The following P2RX5 variants were observed in gnomAD, a reference collection of about 807,000 sequenced individuals.
The protein encoded by P2RX5 is P2X purinoceptor 5.
Under a neutral mutation model 54.1 loss-of-function variants are expected in P2RX5, and 46 were observed. The observed-to-expected ratio is 0.85, with a 90% CI of 0.67 to 1.09. The LOEUF is 1.09. Among genes scored for constraint, P2RX5 ranks in the 50% least tolerant of loss-of-function variants. P2RX5 has a pLI of 0.00. For missense variants in P2RX5, 566 were observed against 549.8 expected (o/e 1.03, Z -0.29); for synonymous variants, 226 against 226.4 (o/e 1.00, Z 0.02).
At position 3,690,442 on chromosome 17, in the gene P2RX5, G is replaced by A. The variant is rs929569378; in HGVS notation, c.518C>T (p.Thr173Ile). The change falls in exon 5 of 12, where the codon ACA becomes ATA. Residue 173 changes from threonine to isoleucine, a missense_variant. By Grantham distance (89) the Thr-to-Ile change is moderately conservative (BLOSUM62 -1). Transcript: ENST00000225328. ...AGCCACTCACTCCGGCCTGGAGCTT[G>A]TCTCCAACGGGCACCAGGCAAAGAT... is the stretch of plus-strand genomic sequence containing the variant. The part of the protein sequence containing the change: ...CEIFAWCPLE[T>I]SSRPEEPFLK... 1.2e-6 allele frequency: 2 copies of A among 1,611,600 alleles called. No individual in the cohort carries two copies. The highest frequency in any genetic ancestry group is 1.3e-5 in the African/African-American group (1 of 74,996).
At chr17:3,699,893 GGAAGGAAGGAAGGAAGGAAGGAAGGA>G (rs1406392845), upstream of P2RX5, among the ~76,000 whole-genome samples, 2 of 27,946 alleles carry the variant, frequency 7.2e-5, no homozygotes, top group African/African-American at 1.6e-4. Flanking sequence ...AAGGAAGGAA[GGAAGGAAGGAAGGAAGGAAGGAAGGA>G]AAGAAAGAAA....
At chr17:3,722,104 G>A in the P2RX5 span, among the ~76,000 whole-genome samples, 19,484 of 151,882 alleles carry the variant, frequency 0.13, 4,152 homozygotes, top group African/African-American at 0.44. Context: ...GCTTGAACCC[G>A]GGAGGCGGAG....
intron 1 of P2RX5, 40 bp downstream of exon 1, chr17:3,695,829 G>GCCCCCCCCCCCCCCAGCCCCCCCCCC: frequency 6.3e-7 from 1 of 1,586,540 alleles, no homozygotes; most frequent in Non-Finnish European, 8.6e-7. Flanking sequence ...CACCCGCCCT[G>GCCCCCCCCCCCCCCAGCCCCCCCCCC]CCCCTCCCCC....
chr17:3,713,759 A>AT, the P2RX5 span, among the ~76,000 whole-genome samples: 3 of 151,768 alleles, frequency 2.0e-5, no homozygotes, highest in Non-Finnish European at 4.4e-5. Context: ...TCAAAAAAAA[A>AT]AAATAAAGTA....
At chr17:3,689,680 C>A in intron 6 of P2RX5, 50 bp from the exon 7 acceptor site, 2 of 1,612,582 alleles carry the variant, frequency 1.2e-6, no homozygotes. Flanking sequence ...CTTGATGTTT[C>A]CCGGCCTGGC....
rs777120844 is a variant in P2RX5 at position 3,690,628 on chromosome 17, C to G, written c.413G>C (p.Gly138Ala). ...ACCGTTTCCAGCTGTAACCGCTTCC[C>G]CAGCGTGGCAGTCGCTGTCCTTGGA... ...ACSKDSDCHA[G>A]EAVTAGNGVK... Residue 138 changes from glycine to alanine, a missense_variant, in exon 4 of 12, where the codon GGG becomes GCG. Transcript: ENST00000225328. 9 of 1,613,468 alleles carry G rather than the reference C, an allele frequency of 5.6e-6. No homozygotes were observed. Among genetic ancestry groups the G allele is most frequent in the Non-Finnish European group, 6.8e-6 (8 of 1,180,042 alleles).
intron 11 of P2RX5, chr17:3,675,508 C>A: frequency 8.1e-6 from 8 of 985,132 alleles, no homozygotes; most frequent in Non-Finnish European, 9.6e-6. Context: ...CAAGGCTTTG[C>A]GTCAGTGAAG....
chr17:3,713,228 G>A, the P2RX5 span, among the ~76,000 whole-genome samples: 3 of 152,094 alleles, frequency 2.0e-5, no homozygotes, highest in Non-Finnish European at 4.4e-5. Context: ...GGGCATAGTG[G>A]CTTGCACCTG....
chr17:3,704,405 A>C, the P2RX5 span, among the ~76,000 whole-genome samples: 1 of 152,220 alleles, frequency 6.6e-6, no homozygotes, highest in African/African-American at 2.4e-5. Context: ...GAGCCTCCCA[A>C]GGCAACTCGC....
chr17:3,714,697 C>T, the P2RX5 span: 1 of 517,484 alleles, frequency 1.9e-6, no homozygotes, highest in Non-Finnish European at 3.4e-6. Context: ...AATGCACAGA[C>T]ACTTTTGGGA....
the P2RX5 span, chr17:3,723,386 G>A: frequency 1.2e-6 from 2 of 1,603,092 alleles, no homozygotes; most frequent in East Asian, 4.5e-5. Context: ...TCCACATGCT[G>A]GAAAAGCGAG....
the P2RX5 span, among the ~76,000 whole-genome samples, chr17:3,721,087 C>T: frequency 6.6e-6 from 1 of 151,812 alleles, no homozygotes; most frequent in African/African-American, 2.4e-5. Flanking sequence ...CCCCACCACA[C>T]TGGGCTAATT....
At chr17:3,710,229 C>A in the P2RX5 span, among the ~76,000 whole-genome samples, 1 of 151,800 alleles carries the variant, frequency 6.6e-6, no homozygotes, top group African/African-American at 2.4e-5. Flanking sequence ...GAGTTCAAGA[C>A]CAGCCTGGTC....
In P2RX5 at chr17:3,681,975, C is replaced by T. The variant is rs764792868; in HGVS notation, c.985G>A (p.Ala329Thr). The T allele has an allele frequency of 1.1e-5, 17 of 1,610,722 alleles. No homozygotes were observed. Among genetic ancestry groups the T allele is most frequent in the Non-Finnish European group, 1.4e-5 (16 of 1,177,040 alleles). The change falls in exon 10 of 12, where the codon GCT becomes ACT. Residue 329 changes from alanine (A) to threonine (T), a missense_variant. Ala to Thr is a moderately conservative substitution (Grantham distance 58). Transcript: ENST00000225328. The part of the protein sequence containing the change: ...RFDVMVNGKG[A>T]FFCDLVLIYL... ...ATGAGTACCAGGTCGCAGAAGAAAG[C>T]ACCCTGCAAAACAGGGGTTCCTGAT...
chr17:3,679,824 A>G (rs1414763230), intron 10 of P2RX5, 40 bp from the exon 11 acceptor site: 1 of 1,566,772 alleles, frequency 6.4e-7, no homozygotes, highest in Non-Finnish European at 8.7e-7. Flanking sequence ...ACGGCCCTGC[A>G]GGGTGCCTCC....
At chr17:3,714,743 C>G in the P2RX5 span, 1 of 646,850 alleles carries the variant, frequency 1.5e-6, no homozygotes, top group Admixed American at 2.9e-5. Context: ...CTACCAACAG[C>G]TCCATGCTGC....
intron 7 of P2RX5, among the ~76,000 whole-genome samples, 178 bp downstream of exon 7, chr17:3,689,314 G>A (rs1389278440): frequency 6.7e-6 from 1 of 148,988 alleles, no homozygotes; most frequent in African/African-American, 2.5e-5. Flanking sequence ...ACCCTCGCCC[G>A]CTGCCACGGC....
chr17:3,691,622 T>G (rs1442173037), intron 2 of P2RX5, 22 bp downstream of exon 2: 1 of 1,613,996 alleles, frequency 6.2e-7, no homozygotes, highest in Non-Finnish European at 8.5e-7. Flanking sequence ...GCCTTGGCCG[T>G]GTGCTAGGTG....
In P2RX5 at chr17:3,690,352, GA is replaced by G. The variant is rs1022279847; in HGVS notation, c.533+74del. The G allele has an allele frequency of 1.5e-5, 19 of 1,267,772 alleles. No homozygotes were observed. The African/African-American group carries it at 2.7e-4, about 18-fold the overall frequency. The allele number at this position is 1,267,772 out of a possible 1,614,324, so 78.5% of individuals were successfully genotyped here. On this transcript the variant is annotated intron_variant, in intron 5 of 11. Transcript: ENST00000225328. The stretch of plus-strand genomic sequence containing the variant: ...AGCGTGAGGCTCCCAGAGTGGGCAG[GA>G]CTCCACCCTCAGGCTGGGACCCACC...
Sources: gnomAD v4.1 joint callset for allele counts (sites outside exome capture counted in the v4.1 genomes callset) on GRCh38, gnomAD v4.1.1 for gene constraint, MANE v1.5 for transcripts, NCBI Gene and HGNC (gene_info 2026-07-23, HGNC 2026-07-21) for gene names.